PRG4: variants seen among roughly 807,000 people sequenced by gnomAD.
The protein encoded by PRG4 is articular superficial zone protein.
A neutral mutation model predicts 91.2 loss-of-function variants in PRG4; 61 were observed. The observed-to-expected ratio is 0.67, with a 90% CI of 0.54 to 0.83. PRG4 has a LOEUF of 0.83. Ranked by LOEUF, PRG4 falls within the 40% of genes least tolerant of loss-of-function variation. PRG4 has a pLI of 0.00. For synonymous variants in PRG4, 576 were observed against 614.2 expected, an observed-to-expected ratio of 0.94 and a Z score of 0.92; for missense variants, 1,564 against 1,714.2, an observed-to-expected ratio of 0.91 and a Z score of 1.55.
At chr1:186,312,038 CCATT>C (rs1657285288) in intron 10 of PRG4, 133 bp from the exon 11 acceptor site, 2 of 672,208 alleles carry the variant, frequency 3.0e-6, no homozygotes, top group Non-Finnish European at 5.0e-6. Flanking sequence ...TGACTAATAG[CCATT>C]ATTAATATCA....
At chr1:186,309,231 CTG>C in intron 7 of PRG4, 91 bp downstream of exon 7, 1 of 1,311,478 alleles carries the variant, frequency 7.6e-7, no homozygotes, top group Non-Finnish European at 1.1e-6. Flanking sequence ...TATCACTCAA[CTG>C]AGATATATTA....
chr1:186,308,801 C>T lies in PRG4; in HGVS notation c.3082C>T (p.Pro1028Ser). Residue 1028 changes from proline to serine, a missense_variant, in exon 7 of 13, where the codon CCC (proline) becomes TCC (serine). Transcript: ENST00000445192. ...TPKPQKPTKAPKKPTSTKKPK... is the reference protein window; with the variant it reads ...TPKPQKPTKASKKPTSTKKPK... ...TAAACCTCAAAAGCCAACCAAAGCA[C>T]CCAAAAAACCCACTTCTACCAAAAA... 6.2e-7 allele frequency: 1 copy of T among 1,613,774 alleles called. No homozygotes were observed. Among genetic ancestry groups the T allele is most frequent in the Non-Finnish European group, 8.5e-7 (1 of 1,179,960 alleles).
chr1:186,313,698 G>A lies in PRG4; in HGVS notation c.4135G>A (p.Asp1379Asn). The A allele has an allele frequency of 6.2e-7, 1 of 1,602,432 alleles. No individual in the cohort carries two copies. Among genetic ancestry groups the A allele is most frequent in the Non-Finnish European group, 8.5e-7 (1 of 1,169,642 alleles). ...CCATTTAGATCAATACTATAACATT[G>A]ATGTGCCTAGTAGAACAGCAAGAGC... ...AFSKDQYYNI[D>N]VPSRTARAIT... Residue 1379 changes from aspartate to asparagine, a missense_variant, in exon 13 of 13, where the codon GAT becomes AAT. Physicochemically the swap from Asp to Asn is conservative, Grantham distance 23. Around this residue, in one of 3 missense-constraint regions of PRG4, gnomAD observed 1,079 missense variants for 1,162.2 expected, o/e 0.93. Transcript: ENST00000445192.
chr1:186,297,953 G>A (rs577486323), intron 2 of PRG4, among the ~76,000 whole-genome samples: 20 of 152,280 alleles, frequency 1.3e-4, no homozygotes, highest in African/African-American at 4.6e-4. Context: ...CAGACCCTTC[G>A]GCTTTCTCGT....
chr1:186,303,674 A>G (rs1656363719), intron 4 of PRG4, among the ~76,000 whole-genome samples: 2 of 152,154 alleles, frequency 1.3e-5, no homozygotes, highest in South Asian at 4.1e-4. Flanking sequence ...CAAAAGGCAA[A>G]TTGGCATCAT....
At chr1:186,305,689 G>A (rs1277230748) in intron 6 of PRG4, among the ~76,000 whole-genome samples, 1 of 152,218 alleles carries the variant, frequency 6.6e-6, no homozygotes. Flanking sequence ...CTTGGGCTTT[G>A]TAGTCCACAT....
At position 186,309,824 on chromosome 1, in the gene PRG4, AGAT is replaced by A; in HGVS notation, c.3455_3457del (p.Asp1152del). ...CCAATATATGCAATGGTAAGCCAGT[AGAT>A]GGACTGACTACTTTGCGCAATGGGA... On this transcript the variant is annotated inframe_deletion, in exon 8 of 13. Transcript: ENST00000445192. The A allele has an allele frequency of 6.2e-7, 1 of 1,613,726 alleles. No individual in the cohort carries two copies.
rs1390315572 is a variant in PRG4, at chr1:186,306,443, C to T, written c.724C>T (p.Gln242Ter). Residue 242 changes from glutamine to a stop codon, truncating the protein, a stop_gained, in exon 7 of 13, where the codon CAA becomes TAA. Coordinates refer to ENST00000445192, the MANE Select transcript of PRG4 (RefSeq NM_005807.6). LOFTEE classifies it high-confidence loss of function. ...KVTTPDTSTT[Q>*]HNKVSTSPKI... Reference sequence around the variant, plus strand: ...CACAACTCCTGACACGTCTACCACCCAACACAATAAAGTCAGCACATCTCC... The same window carrying T: ...CACAACTCCTGACACGTCTACCACCTAACACAATAAAGTCAGCACATCTCC... 1.2e-6 allele frequency: 2 copies of T among 1,613,636 alleles called. No individual in the cohort carries two copies. The highest frequency in any genetic ancestry group is 1.7e-6 in the Non-Finnish European group (2 of 1,179,728).
chr1:186,313,963 C>A lies in PRG4; in HGVS notation c.*185C>A. ...TCTTATTCACAGTTGTTATTGTTTA[C>A]AGACCATTTAATTAATATTTCCTCT... On this transcript the variant is annotated 3_prime_UTR_variant, in exon 13 of 13. Coordinates refer to ENST00000445192, the MANE Select transcript of PRG4 (RefSeq NM_005807.6). The A allele has an allele frequency of 6.2e-7, 1 of 1,611,052 alleles. No individual in the cohort carries two copies. The highest frequency in any genetic ancestry group is 1.3e-5 in the African/African-American group (1 of 75,002).
chr1:186,297,984 A>AAC (rs1229142105), intron 2 of PRG4, among the ~76,000 whole-genome samples: 1 of 152,252 alleles, frequency 6.6e-6, no homozygotes, highest in Non-Finnish European at 1.5e-5. Flanking sequence ...CAAGGTTCAC[A>AAC]ACACTGGGGG....
chr1:186,311,612 T>C lies in PRG4; in HGVS notation c.3793+16T>C, dbSNP rs199887246. The C allele has an allele frequency of 8.7e-6, 14 of 1,610,392 alleles. No homozygotes were observed. The highest frequency in any genetic ancestry group is 4.0e-5 in the African/African-American group (3 of 74,858). ...TTCAAGAGAGGTATGTGTTACATAATTGACAAGATTACAAAACTTTTAAAG... is the reference window on the plus strand; with the variant it reads ...TTCAAGAGAGGTATGTGTTACATAACTGACAAGATTACAAAACTTTTAAAG... On this transcript the variant is annotated intron_variant, in intron 10 of 12. Transcript: ENST00000445192.
At chr1:186,298,466 G>C (rs1383225524) in intron 2 of PRG4, among the ~76,000 whole-genome samples, 2 of 151,736 alleles carry the variant, frequency 1.3e-5, no homozygotes, top group Non-Finnish European at 2.9e-5. Context: ...ATGAAAGTAA[G>C]CTTTTCCTGT....
intron 12 of PRG4, chr1:186,313,129 A>G (rs753601576): frequency 2.3e-5 from 12 of 530,014 alleles, no homozygotes; most frequent in Non-Finnish European, 3.7e-5. Context: ...TCCAGTTACT[A>G]GAGTAAACTT....
intron 8 of PRG4, among the ~76,000 whole-genome samples, chr1:186,310,419 A>G (rs1182650786): frequency 6.6e-6 from 1 of 152,224 alleles, no homozygotes. Flanking sequence ...TCATTAAATT[A>G]TAATTCCTTA....
chr1:186,306,273 A>G (rs1352846804), intron 6 of PRG4, 45 bp from the exon 7 acceptor site: 4 of 1,420,884 alleles, frequency 2.8e-6, no homozygotes, highest in Non-Finnish European at 2.9e-6. Flanking sequence ...ACTATTAAAG[A>G]AAAAAAAATA....
At chr1:186,301,835 A>G (rs1031235717) in intron 4 of PRG4, 124 bp downstream of exon 4, 4 of 1,331,458 alleles carry the variant, frequency 3.0e-6, no homozygotes, top group African/African-American at 2.9e-5. Context: ...CATATAAGCT[A>G]TTTCATAATA....
chr1:186,303,289 TG>T (rs1306552443), intron 4 of PRG4, among the ~76,000 whole-genome samples: 4 of 151,990 alleles, frequency 2.6e-5, no homozygotes, highest in African/African-American at 9.7e-5. Context: ...ATGTTTTTGC[TG>T]GGTAGGAGGA....
intron 2 of PRG4, among the ~76,000 whole-genome samples, chr1:186,298,513 C>T (rs1377182684): frequency 6.7e-6 from 1 of 149,302 alleles, no homozygotes; most frequent in African/African-American, 2.5e-5. Flanking sequence ...TCTTTTGAGA[C>T]AGGGTCTTGC....
chr1:186,312,605 T>C (rs1657348332), intron 11 of PRG4, 164 bp from the exon 12 acceptor site: 2 of 806,174 alleles, frequency 2.5e-6, no homozygotes, highest in Non-Finnish European at 2.0e-6. Context: ...ACCAATACTA[T>C]TTATCAAGTA....
Sources: allele counts gnomAD v4.1 joint callset (sites outside exome capture counted in the v4.1 genomes callset), GRCh38; gene constraint gnomAD v4.1.1; regional missense constraint gnomAD v4.1.1; transcripts MANE v1.5; gene names NCBI Gene and HGNC (gene_info 2026-07-23, HGNC 2026-07-21).